TSPAN5: variants seen among roughly 807,000 people sequenced by gnomAD.
The protein encoded by TSPAN5 is tetraspanin-5.
TSPAN5 carries 10 observed loss-of-function variants against 37.1 expected under a neutral mutation model. The observed-to-expected ratio is 0.27, with a 90% CI of 0.17 to 0.46. TSPAN5 has a LOEUF of 0.46. Ranked by LOEUF, TSPAN5 falls within the 20% of genes least tolerant of loss-of-function variation. The probability of loss-of-function intolerance (pLI) is 1.00; values close to 1 mark genes in which losing one functional copy is unlikely to be tolerated. For missense variants in TSPAN5, 195 were observed against 326.6 expected (o/e 0.60, Z 3.11); for synonymous variants, 110 against 118.9 (o/e 0.93, Z 0.48).
chr4:98,646,576 G>A (rs576468066), intron 1 of TSPAN5, among the ~76,000 whole-genome samples: 4 of 152,092 alleles, frequency 2.6e-5, no homozygotes, highest in Non-Finnish European at 5.9e-5. Context: ...ATGTAACTGG[G>A]TAAAGAAAAA....
rs577264655 is a variant in TSPAN5, at chr4:98,568,262, G to C, written c.82-60534C>G. ...AAACAAGTAGAAAATAAGTCTGGAGGCCAGGCACGGTGGTTCCCGCCTGTA... is the reference window on the plus strand; with the variant it reads ...AAACAAGTAGAAAATAAGTCTGGAGCCCAGGCACGGTGGTTCCCGCCTGTA... On this transcript the variant is annotated intron_variant, in intron 1 of 7. Transcript: ENST00000305798. 7.9e-5 allele frequency among the ~76,000 whole-genome samples: 12 copies of C among 152,236 alleles called. No homozygotes were observed. The South Asian group carries it at 2.1e-3, about 26-fold the overall frequency.
intron 2 of TSPAN5, among the ~76,000 whole-genome samples, chr4:98,504,567 A>G (rs1417848003): frequency 6.6e-6 from 1 of 152,160 alleles, no homozygotes; most frequent in Non-Finnish European, 1.5e-5. Context: ...CCATATTAAG[A>G]GTGGACAGCC....
At chr4:98,627,573 T>C (rs1466364995) in intron 1 of TSPAN5, among the ~76,000 whole-genome samples, 2 of 152,206 alleles carry the variant, frequency 1.3e-5, no homozygotes, top group African/African-American at 4.8e-5. Context: ...TGAAAAACTT[T>C]GGGCCTGTAT....
chr4:98,569,940 T>G (rs1389705509), intron 1 of TSPAN5, among the ~76,000 whole-genome samples: 1 of 152,188 alleles, frequency 6.6e-6, no homozygotes, highest in Non-Finnish European at 1.5e-5. Flanking sequence ...TTCAAGGAAC[T>G]TACATGGTCC....
At chr4:98,497,097 C>A (rs111718643) in intron 2 of TSPAN5, among the ~76,000 whole-genome samples, 2 of 151,864 alleles carry the variant, frequency 1.3e-5, no homozygotes, top group African/African-American at 4.8e-5. Context: ...GAGACTGAGG[C>A]GGGCAGATCA....
intron 1 of TSPAN5, among the ~76,000 whole-genome samples, chr4:98,630,688 G>C (rs932413729): frequency 4.6e-5 from 7 of 152,174 alleles, no homozygotes; most frequent in Admixed American, 4.6e-4. Context: ...CTGTCCTCAA[G>C]AAACTTAAGT....
chr4:98,606,452 C>G (rs1210472454), intron 1 of TSPAN5, among the ~76,000 whole-genome samples: 1 of 152,186 alleles, frequency 6.6e-6, no homozygotes, highest in Admixed American at 6.5e-5. Context: ...CATGCTATTT[C>G]TGGATAAAAC....
intron 1 of TSPAN5, among the ~76,000 whole-genome samples, chr4:98,650,500 C>T (rs551144030): frequency 2.9e-4 from 44 of 152,010 alleles, no homozygotes; most frequent in Non-Finnish European, 5.0e-4. Context: ...AAGAATAATG[C>T]GAACCAAGAA....
intron 1 of TSPAN5, among the ~76,000 whole-genome samples, chr4:98,622,657 T>C (rs1247791159): frequency 1.3e-5 from 2 of 152,194 alleles, no homozygotes; most frequent in Admixed American, 6.5e-5. Context: ...GGGTCTGACA[T>C]GACTTTTAAA....
chr4:98,550,152 C>T (rs576337575), intron 1 of TSPAN5, among the ~76,000 whole-genome samples: 1 of 152,136 alleles, frequency 6.6e-6, no homozygotes, highest in South Asian at 2.1e-4. Context: ...GTGTCATTTC[C>T]CCAGTGTACA....
intron 3 of TSPAN5, among the ~76,000 whole-genome samples, chr4:98,485,762 C>CTTTTTTT (rs766494512): frequency 2.3e-5 from 2 of 86,596 alleles, no homozygotes; most frequent in African/African-American, 9.0e-5. Context: ...CTTGGATATG[C>CTTTTTTT]TTTTTTTTTT....
intron 1 of TSPAN5, among the ~76,000 whole-genome samples, chr4:98,616,802 C>T (rs1482460691): frequency 1.3e-5 from 2 of 151,660 alleles, no homozygotes; most frequent in African/African-American, 4.8e-5. Context: ...TCCTTCTCTC[C>T]ATAAAATAAC....
intron 2 of TSPAN5, among the ~76,000 whole-genome samples, chr4:98,499,083 T>G (rs1753283438): frequency 6.6e-6 from 1 of 152,054 alleles, no homozygotes; most frequent in Admixed American, 6.5e-5. Context: ...GGCTGCCAGG[T>G]GGTCACCTGG....
At chr4:98,570,159 A>G (rs1046632762) in intron 1 of TSPAN5, among the ~76,000 whole-genome samples, 1 of 152,230 alleles carries the variant, frequency 6.6e-6, no homozygotes, top group African/African-American at 2.4e-5. Context: ...AATTCATGGA[A>G]ATGTTGATTT....
chr4:98,608,283 T>C (rs1443807029), intron 1 of TSPAN5, among the ~76,000 whole-genome samples: 1 of 152,164 alleles, frequency 6.6e-6, no homozygotes, highest in Non-Finnish European at 1.5e-5. Flanking sequence ...AGGACTCTGA[T>C]TTTTAAAAGC....
chr4:98,626,772 G>A (rs895507677), intron 1 of TSPAN5, among the ~76,000 whole-genome samples: 2 of 151,796 alleles, frequency 1.3e-5, no homozygotes, highest in Non-Finnish European at 2.9e-5. Context: ...TGCCTGATTC[G>A]ATCCTCTTTA....
intron 1 of TSPAN5, among the ~76,000 whole-genome samples, chr4:98,645,037 C>T (rs1014209813): frequency 7.2e-5 from 11 of 152,200 alleles, no homozygotes; most frequent in Admixed American, 5.2e-4. Context: ...CCCCAAAGTG[C>T]GATTCCCTGG....
At chr4:98,607,650 TG>T (rs532928320) in intron 1 of TSPAN5, among the ~76,000 whole-genome samples, 201 of 151,910 alleles carry the variant, frequency 1.3e-3, no homozygotes, top group Non-Finnish European at 2.4e-3. Context: ...ACATGCTTTT[TG>T]CCTGTATTTA....
At chr4:98,544,716 C>G (rs748406690) in intron 1 of TSPAN5, among the ~76,000 whole-genome samples, 1 of 151,986 alleles carries the variant, frequency 6.6e-6, no homozygotes, top group African/African-American at 2.4e-5. Context: ...AATACAAAGA[C>G]GGGGTGGCTA....
Sources: gnomAD v4.1 joint callset for allele counts (sites outside exome capture counted in the v4.1 genomes callset) on GRCh38, gnomAD v4.1.1 for gene constraint, MANE v1.5 for transcripts, NCBI Gene and HGNC (gene_info 2026-07-23, HGNC 2026-07-21) for gene names.